FBXO11: variants seen among roughly 807,000 people sequenced by gnomAD.
FBXO11 encodes F-box only protein 11.
A neutral mutation model predicts 117.0 loss-of-function variants in FBXO11; 13 were observed. The observed-to-expected ratio is 0.11, with a 90% CI of 0.07 to 0.18. FBXO11 has a LOEUF of 0.18. FBXO11 is among the 10% of genes least tolerant of loss of function. The pLI, the probability that FBXO11 is intolerant of heterozygous loss-of-function variation, is 1.00. For synonymous variants in FBXO11, 490 were observed against 380.5 expected, an observed-to-expected ratio of 1.29 and a Z score of -3.35; for missense variants, 767 against 1,164.4, an observed-to-expected ratio of 0.66 and a Z score of 4.97.
chr2:47,848,668 T>A (rs1236274519), intron 1 of FBXO11, among the ~76,000 whole-genome samples: 1 of 152,202 alleles, frequency 6.6e-6, no homozygotes, highest in Admixed American at 6.5e-5. Context: ...TCTTCACTAT[T>A]AATAGGAACC....
chr2:47,880,749 A>C (rs917117610), intron 1 of FBXO11, among the ~76,000 whole-genome samples: 3 of 152,132 alleles, frequency 2.0e-5, no homozygotes, highest in African/African-American at 7.2e-5. Flanking sequence ...TATGAACTCC[A>C]CCTGGTATGT....
chr2:47,821,351 C>T (rs1227328890), intron 13 of FBXO11, among the ~76,000 whole-genome samples: 1 of 152,154 alleles, frequency 6.6e-6, no homozygotes, highest in Non-Finnish European at 1.5e-5. Context: ...TGGCTCACAC[C>T]TGTAATCCCA....
chr2:47,876,508 T>G (rs937012036), intron 1 of FBXO11, among the ~76,000 whole-genome samples: 1 of 152,186 alleles, frequency 6.6e-6, no homozygotes, highest in Non-Finnish European at 1.5e-5. Context: ...TGACAGATAA[T>G]AGTTTAAATG....
intron 11 of FBXO11, among the ~76,000 whole-genome samples, chr2:47,828,712 C>T (rs1447282320): frequency 6.6e-6 from 1 of 151,970 alleles, no homozygotes; most frequent in Non-Finnish European, 1.5e-5. Context: ...AATAAACTTC[C>T]ACAACTCTAA....
chr2:47,895,888 G>A (rs1032163428), intron 1 of FBXO11, among the ~76,000 whole-genome samples: 3 of 152,042 alleles, frequency 2.0e-5, no homozygotes, highest in African/African-American at 7.2e-5. Context: ...GTAGAGACAG[G>A]GTTTCACCAT....
intron 16 of FBXO11, among the ~76,000 whole-genome samples, chr2:47,814,704 A>G (rs1670890022): frequency 6.6e-6 from 1 of 152,182 alleles, no homozygotes; most frequent in Non-Finnish European, 1.5e-5. Flanking sequence ...AAAATAAGAC[A>G]ATTAAGTTTG....
At chr2:47,812,464 T>C (rs1201353552) in intron 18 of FBXO11, among the ~76,000 whole-genome samples, 1 of 152,220 alleles carries the variant, frequency 6.6e-6, no homozygotes, top group African/African-American at 2.4e-5. Flanking sequence ...CATTCTGTAT[T>C]GTGTGTCTTC....
At chr2:47,897,240 A>G (rs1362229017) in intron 1 of FBXO11, among the ~76,000 whole-genome samples, 2 of 152,202 alleles carry the variant, frequency 1.3e-5, no homozygotes, top group Admixed American at 1.3e-4. Flanking sequence ...AAGATAGAAA[A>G]ATCAATGCTT....
At chr2:47,840,093 G>A (rs190555070) in intron 1 of FBXO11, among the ~76,000 whole-genome samples, 2,034 of 151,828 alleles carry the variant, frequency 0.013, 37 homozygotes, top group African/African-American at 0.044. Context: ...ACAGGCGCCC[G>A]CCACCACGCC....
intron 1 of FBXO11, among the ~76,000 whole-genome samples, chr2:47,904,581 A>AACACACAACAC (rs1678592820): frequency 6.8e-6 from 1 of 147,584 alleles, no homozygotes; most frequent in Non-Finnish European, 1.5e-5. Context: ...CGCGCGCGCA[A>AACACACAACAC]ACACACACAC....
In FBXO11 at chr2:47,893,355, T is replaced by A. The variant is rs755213546; in HGVS notation, c.232+12134A>T. On this transcript the variant is annotated intron_variant, in intron 1 of 22. Transcript: ENST00000403359. Reference sequence around the variant, plus strand: ...TATATAAATCACATGTGTATGTGCATATATATATATATACACACATACTGG... The same window carrying A: ...TATATAAATCACATGTGTATGTGCAAATATATATATATACACACATACTGG... 3.6e-5 allele frequency among the ~76,000 whole-genome samples: 4 copies of A among 111,692 alleles called. No homozygotes were observed. The Middle Eastern group carries it at 0.012, about 322-fold the overall frequency. The allele number at this position is 111,692 out of a possible 152,430, so 73.3% of individuals were successfully genotyped here. A position where few individuals can be genotyped will look rare whatever the true frequency, so the allele number is the denominator to read the frequency against.
intron 13 of FBXO11, 141 bp downstream of exon 13, chr2:47,822,077 C>A: frequency 1.6e-6 from 1 of 637,956 alleles, no homozygotes. Flanking sequence ...GAGAGTAAGA[C>A]CTCATTTCTT....
intron 1 of FBXO11, among the ~76,000 whole-genome samples, chr2:47,870,283 C>G (rs1274886785): frequency 1.3e-5 from 2 of 152,132 alleles, no homozygotes; most frequent in Non-Finnish European, 2.9e-5. Flanking sequence ...CTCTGTACTA[C>G]CCATAAATCT....
chr2:47,894,170 C>A (rs868806312), intron 1 of FBXO11, among the ~76,000 whole-genome samples: 1 of 152,148 alleles, frequency 6.6e-6, no homozygotes, highest in African/African-American at 2.4e-5. Flanking sequence ...AAGAACTTAT[C>A]AAGGATGCTG....
intron 1 of FBXO11, among the ~76,000 whole-genome samples, chr2:47,855,294 G>C (rs1397634014): frequency 1.3e-5 from 2 of 151,810 alleles, no homozygotes; most frequent in African/African-American, 4.8e-5. Context: ...TCGACTTCTG[G>C]AGCTCAAGTG....
At chr2:47,888,372 TATA>T (rs1162053506) in intron 1 of FBXO11, among the ~76,000 whole-genome samples, 1 of 152,216 alleles carries the variant, frequency 6.6e-6, no homozygotes, top group Non-Finnish European at 1.5e-5. Flanking sequence ...TCAAACATTC[TATA>T]ATACCATTCC....
rs1025593494 is a variant in FBXO11, at chr2:47,807,091, C to A, written c.*1027G>T. 3.9e-6 allele frequency: 2 copies of A among 519,398 alleles called. No individual in the cohort carries two copies. Among genetic ancestry groups the A allele is most frequent in the Non-Finnish European group, 6.8e-6 (2 of 293,328 alleles). 32.2% of individuals were successfully genotyped at this position (519,398 alleles called of 1,614,324 possible). ...GCATACACTTTCAGGCTGTTTTATA[C>A]CCACTGTCACCAATACACATAAATG... is the stretch of plus-strand genomic sequence containing the variant. On this transcript the variant is annotated 3_prime_UTR_variant, in exon 23 of 23. Transcript: ENST00000403359.
intron 11 of FBXO11, among the ~76,000 whole-genome samples, chr2:47,824,006 C>T (rs1445489012): frequency 2.0e-5 from 3 of 151,978 alleles, no homozygotes; most frequent in Non-Finnish European, 2.9e-5. Flanking sequence ...TGGCTAATGA[C>T]TTAAATGTTT....
At chr2:47,846,528 A>T (rs1198326279) in intron 1 of FBXO11, among the ~76,000 whole-genome samples, 2 of 152,174 alleles carry the variant, frequency 1.3e-5, no homozygotes, top group Non-Finnish European at 2.9e-5. Flanking sequence ...TATTATGCCA[A>T]TGATTGTCAA....
Sources: allele counts gnomAD v4.1 joint callset (sites outside exome capture counted in the v4.1 genomes callset), GRCh38; gene constraint gnomAD v4.1.1; transcripts MANE v1.5; gene names NCBI Gene and HGNC (gene_info 2026-07-23, HGNC 2026-07-21).